MYEF2: variants seen among roughly 807,000 people sequenced by gnomAD.
MYEF2 encodes myelin gene expression factor 2.
A neutral mutation model predicts 75.2 loss-of-function variants in MYEF2; 37 were observed. The observed-to-expected ratio is 0.49, with a 90% CI of 0.38 to 0.65. The LOEUF (loss-of-function observed/expected upper bound fraction) is 0.65, where lower values mean the gene tolerates loss of function less well. Among genes scored for constraint, MYEF2 ranks in the 30% least tolerant of loss-of-function variants. The pLI is 0.00. For synonymous variants in MYEF2, 195 were observed against 241.6 expected, an observed-to-expected ratio of 0.81 and a Z score of 1.79; for missense variants, 634 against 771.4, an observed-to-expected ratio of 0.82 and a Z score of 2.11.
At chr15:48,176,382 G>A (rs949039273) in intron 1 of MYEF2, among the ~76,000 whole-genome samples, 1 of 152,002 alleles carries the variant, frequency 6.6e-6, no homozygotes, top group Admixed American at 6.6e-5. Context: ...AGGGAGAGGC[G>A]AATTATAAGC....
chr15:48,158,468 C>T (rs2039793834), intron 7 of MYEF2, among the ~76,000 whole-genome samples: 1 of 152,062 alleles, frequency 6.6e-6, no homozygotes, highest in Non-Finnish European at 1.5e-5. Flanking sequence ...TAAGGCTTCG[C>T]TTAAAGTAAC....
intron 1 of MYEF2, among the ~76,000 whole-genome samples, chr15:48,171,418 A>G (rs1471265598): frequency 2.6e-5 from 4 of 152,162 alleles, no homozygotes; most frequent in Non-Finnish European, 4.4e-5. Context: ...TGCTTACAAC[A>G]ATCTGAAAAT....
chr15:48,148,916 A>G, intron 16 of MYEF2, 116 bp downstream of exon 16: 1 of 994,924 alleles, frequency 1.0e-6, no homozygotes, highest in Non-Finnish European at 1.6e-6. Context: ...CGCTATCAAG[A>G]CTATCCAGGA....
rs1276576842 is a variant in MYEF2 at position 48,136,456 on chromosome 15, G to GT, written c.*6451dup. 8.2e-5 allele frequency: 30 copies of GT among 366,650 alleles called. No individual in the cohort carries two copies. Among genetic ancestry groups the GT allele is most frequent in the Non-Finnish European group, 9.5e-5 (20 of 209,808 alleles). 22.7% of individuals were successfully genotyped at this position (366,650 alleles called of 1,614,324 possible). On this transcript the variant is annotated 3_prime_UTR_variant, in exon 17 of 17. Transcript: ENST00000324324. ...AAGTAAAAACGAGTTTGTTGATCTT[G>GT]TTTTTAAAAAAAAAAAAACAACACA... is the stretch of plus-strand genomic sequence containing the variant.
intron 1 of MYEF2, among the ~76,000 whole-genome samples, chr15:48,169,672 A>G (rs2040254234): frequency 6.6e-6 from 1 of 150,460 alleles, no homozygotes; most frequent in South Asian, 2.1e-4. Flanking sequence ...ATCTCGACTC[A>G]CTGCAACCTC....
Position 48,157,913 on chromosome 15 carries a change from CA to C in MYEF2, c.985+79del. 5 of 1,574,622 alleles carry C rather than the reference CA, an allele frequency of 3.2e-6. No homozygotes were observed. The South Asian group carries it at 5.9e-5, about 19-fold the overall frequency. On this transcript the variant is annotated intron_variant, in intron 9 of 16. Transcript: ENST00000324324. Reference sequence around the variant, plus strand: ...ATTGTGAGAAACTAGGATGTAGGCACAAAAACAAAGTGTTGCTTAGCACATA... The same window carrying C: ...ATTGTGAGAAACTAGGATGTAGGCACAAAACAAAGTGTTGCTTAGCACATA...
intron 1 of MYEF2, chr15:48,169,759 G>C (rs2040257990): frequency 6.6e-6 from 1 of 152,098 alleles, no homozygotes; most frequent in African/African-American, 2.4e-5. Context: ...ACCATGCCCA[G>C]CTAATTTTTT....
At position 48,135,367 on chromosome 15, in the gene MYEF2, T is replaced by C. The variant is rs2038870915; in HGVS notation, c.*7541A>G. ...AGAAGTGTTCATGGCCACAAAAGAC[T>C]GGAGAAGGATGGTAGAGGAAGTAAA... On this transcript the variant is annotated 3_prime_UTR_variant, in exon 17 of 17. Transcript: ENST00000324324. 6.3e-6 allele frequency: 1 copy of C among 157,724 alleles called. No individual in the cohort carries two copies. Among genetic ancestry groups the C allele is most frequent in the Admixed American group, 6.4e-5 (1 of 15,720 alleles). The allele number at this position is 157,724 out of a possible 1,614,324, so 9.8% of individuals were successfully genotyped here.
At chr15:48,152,606 C>A (rs1157430169) in intron 10 of MYEF2, 2 of 260,724 alleles carry the variant, frequency 7.7e-6, no homozygotes, top group Non-Finnish European at 1.4e-5. Flanking sequence ...ATACTACTAT[C>A]AATGATTTTT....
intron 9 of MYEF2, chr15:48,157,117 T>C (rs1159197960): frequency 6.6e-6 from 1 of 152,124 alleles, no homozygotes; most frequent in Non-Finnish European, 1.5e-5. Flanking sequence ...CCAGAGAAGA[T>C]GCAGTGAAAT....
intron 3 of MYEF2, 69 bp downstream of exon 3, chr15:48,167,280 G>C: frequency 6.8e-7 from 1 of 1,474,974 alleles, no homozygotes; most frequent in South Asian, 1.2e-5. Flanking sequence ...ACTGGTACAA[G>C]TATTATACAA....
Position 48,137,139 on chromosome 15 carries a change from A to G in MYEF2, c.*5769T>C. 1.6e-6 allele frequency: 1 copy of G among 618,770 alleles called. No homozygotes were observed. The highest frequency in any genetic ancestry group is 3.4e-5 in the Admixed American group (1 of 29,596). The allele number at this position is 618,770 out of a possible 1,614,324, so 38.3% of individuals were successfully genotyped here. On this transcript the variant is annotated 3_prime_UTR_variant, in exon 17 of 17. Coordinates refer to ENST00000324324, the MANE Select transcript of MYEF2 (RefSeq NM_016132.5). Reference sequence around the variant, plus strand: ...ACTTCCAATATCACAGGAAATACAAAATAGCTAAAGTATGAACGTTAAGTA... The same window carrying G: ...ACTTCCAATATCACAGGAAATACAAGATAGCTAAAGTATGAACGTTAAGTA...
At chr15:48,145,794 T>G (rs916770333) in intron 16 of MYEF2, among the ~76,000 whole-genome samples, 3 of 151,922 alleles carry the variant, frequency 2.0e-5, no homozygotes, top group Admixed American at 2.0e-4. Flanking sequence ...ATATAAGGGA[T>G]AGAAAAGCAA....
At chr15:48,157,751 C>T in intron 9 of MYEF2, 3 of 1,197,100 alleles carry the variant, frequency 2.5e-6, no homozygotes, top group Non-Finnish European at 2.1e-6. Flanking sequence ...ATAAATTTAC[C>T]AAACATTTTA....
At chr15:48,151,841 T>C (rs750855262) in intron 12 of MYEF2, 33 bp downstream of exon 12, 2 of 1,602,018 alleles carry the variant, frequency 1.2e-6, no homozygotes, top group East Asian at 2.2e-5. Flanking sequence ...AAACTAAATA[T>C]GCACACACTT....
chr15:48,134,771 T>G lies in MYEF2; in HGVS notation c.*8137A>C. 1 of 894,972 alleles carries G rather than the reference T, an allele frequency of 1.1e-6. No individual in the cohort carries two copies. The highest frequency in any genetic ancestry group is 1.7e-6 in the Non-Finnish European group (1 of 592,520). 55.4% of individuals were successfully genotyped at this position (894,972 alleles called of 1,614,324 possible). A position where few individuals can be genotyped will look rare whatever the true frequency, so the allele number is the denominator to read the frequency against. On this transcript the variant is annotated 3_prime_UTR_variant, in exon 17 of 17. Transcript: ENST00000324324. ...TTTACATTTTTTTCTCTAAGCAATATGCAAAAGATAACAATATTTAACTAC... is the reference window on the plus strand; with the variant it reads ...TTTACATTTTTTTCTCTAAGCAATAGGCAAAAGATAACAATATTTAACTAC...
At chr15:48,163,202 G>A (rs992752924) in intron 5 of MYEF2, among the ~76,000 whole-genome samples, 4 of 152,150 alleles carry the variant, frequency 2.6e-5, no homozygotes, top group African/African-American at 9.7e-5. Flanking sequence ...GTTACCTTTG[G>A]GGAAGAAGGA....
Position 48,142,150 on chromosome 15 carries a change from C to T in MYEF2, c.*758G>A. 2.5e-6 allele frequency: 4 copies of T among 1,613,850 alleles called. No homozygotes were observed. The African/African-American group carries it at 4.0e-5, about 16-fold the overall frequency. On this transcript the variant is annotated 3_prime_UTR_variant, in exon 17 of 17. Transcript: ENST00000324324. The stretch of plus-strand genomic sequence containing the variant: ...ATGGATCAGCTCCTGCAGAAGTAAA[C>T]AGCAGAGGACTAACTTACATAACCA...
rs201530274 is a variant in MYEF2 at position 48,155,690 on chromosome 15, G to GA, written c.986-1798dup. ...CACATTAAAATGAAAAAGTACAAAG[G>GA]AAAAAAAAAAAAACTCATACATTTG... On this transcript the variant is annotated intron_variant, in intron 9 of 16. Coordinates refer to ENST00000324324, the MANE Select transcript of MYEF2 (RefSeq NM_016132.5). Among the ~76,000 whole-genome samples, 348 of 109,964 alleles carry GA rather than the reference G, an allele frequency of 3.2e-3. 6 individuals are homozygous for GA. In the South Asian group the frequency reaches 0.049, roughly 16 times the overall value. The allele number at this position is 109,964 out of a possible 152,430, so 72.1% of individuals were successfully genotyped here. A position where few individuals can be genotyped will look rare whatever the true frequency, so the allele number is the denominator to read the frequency against.
Sources: allele counts gnomAD v4.1 joint callset (sites outside exome capture counted in the v4.1 genomes callset), GRCh38; gene constraint gnomAD v4.1.1; transcripts MANE v1.5; gene names NCBI Gene and HGNC (gene_info 2026-07-23, HGNC 2026-07-21).